FSIP1: variants seen among roughly 807,000 people sequenced by gnomAD.
FSIP1 encodes fibrous sheath-interacting protein 1.
A neutral mutation model predicts 60.9 loss-of-function variants in FSIP1; 65 were observed. That is an observed-to-expected ratio of 1.07 (90% CI 0.87 to 1.31). The LOEUF (loss-of-function observed/expected upper bound fraction) is 1.31. Ranked by LOEUF, FSIP1 falls within the 40% of genes most tolerant of loss-of-function variation. The pLI is 0.00. For synonymous variants in FSIP1, 209 were observed against 221.2 expected, an observed-to-expected ratio of 0.94 and a Z score of 0.49; for missense variants, 675 against 665.5, an observed-to-expected ratio of 1.01 and a Z score of -0.16.
chr15:39,780,483 C>A (rs565196885), intron 1 of FSIP1, among the ~76,000 whole-genome samples: 9 of 152,304 alleles, frequency 5.9e-5, no homozygotes, highest in African/African-American at 2.2e-4. Context: ...CGAGATTGCA[C>A]CACTCCGGCC....
At chr15:39,774,474 CAA>C (rs201038941) in intron 2 of FSIP1, among the ~76,000 whole-genome samples, 44 of 116,236 alleles carry the variant, frequency 3.8e-4, no homozygotes, top group Admixed American at 1.1e-3. Context: ...GAGCAAGACT[CAA>C]AAAAAAAAAA....
intron 10 of FSIP1, among the ~76,000 whole-genome samples, chr15:39,660,967 G>A (rs1207625032): frequency 1.3e-5 from 2 of 152,182 alleles, no homozygotes; most frequent in African/African-American, 4.8e-5. Context: ...GGAGGCCGAG[G>A]CAGAAGAATC....
intron 10 of FSIP1, among the ~76,000 whole-genome samples, chr15:39,691,260 A>G (rs1218747447): frequency 6.6e-6 from 1 of 152,228 alleles, no homozygotes; most frequent in Non-Finnish European, 1.5e-5. Flanking sequence ...AAAAGAAAAG[A>G]AAAAAAGAAG....
intron 10 of FSIP1, among the ~76,000 whole-genome samples, chr15:39,683,502 A>C (rs1434353661): frequency 6.6e-6 from 1 of 152,186 alleles, no homozygotes; most frequent in Non-Finnish European, 1.5e-5. Context: ...TTTCCCCCTA[A>C]GACCAGAAAC....
chr15:39,729,419 T>A (rs978402812), intron 8 of FSIP1, among the ~76,000 whole-genome samples: 10 of 151,980 alleles, frequency 6.6e-5, no homozygotes, highest in Admixed American at 3.9e-4. Flanking sequence ...AAAAAAATTT[T>A]AAAAATTAGC....
intron 10 of FSIP1, among the ~76,000 whole-genome samples, chr15:39,705,525 C>T (rs1895226217): frequency 6.6e-6 from 1 of 151,736 alleles, no homozygotes; most frequent in Non-Finnish European, 1.5e-5. Flanking sequence ...GGAATAAAGG[C>T]AATTTAATAG....
chr15:39,664,530 G>A (rs1237953691), intron 10 of FSIP1, among the ~76,000 whole-genome samples: 3 of 152,052 alleles, frequency 2.0e-5, no homozygotes, highest in South Asian at 4.1e-4. Flanking sequence ...ACATAAGCAA[G>A]CGAATGTATT....
At chr15:39,638,852 G>T (rs1463353922) in intron 10 of FSIP1, among the ~76,000 whole-genome samples, 1 of 152,206 alleles carries the variant, frequency 6.6e-6, no homozygotes, top group Non-Finnish European at 1.5e-5. Flanking sequence ...ATGTGTGTGT[G>T]TGGTGGGGGG....
At chr15:39,692,934 C>T (rs991547073) in intron 10 of FSIP1, among the ~76,000 whole-genome samples, 1 of 152,186 alleles carries the variant, frequency 6.6e-6, no homozygotes, top group Non-Finnish European at 1.5e-5. Flanking sequence ...GCCCTGGAAA[C>T]CTGGGTACAA....
intron 1 of FSIP1, among the ~76,000 whole-genome samples, chr15:39,778,958 G>A (rs879327219): frequency 2.6e-5 from 4 of 152,032 alleles, no homozygotes; most frequent in African/African-American, 7.2e-5. Flanking sequence ...CTTAGTAAGC[G>A]TGATACTAAG....
chr15:39,676,009 CAA>C (rs10706666), intron 10 of FSIP1, among the ~76,000 whole-genome samples: 84,205 of 145,580 alleles, frequency 0.58, 25,610 homozygotes, highest in Non-Finnish European at 0.7. Context: ...ACTAAAAATA[CAA>C]AAAAAAAAAA....
At chr15:39,668,738 C>T (rs551831157) in intron 10 of FSIP1, among the ~76,000 whole-genome samples, 1 of 152,290 alleles carries the variant, frequency 6.6e-6, no homozygotes, top group African/African-American at 2.4e-5. Flanking sequence ...CCAGCCTTTC[C>T]TTGCTTGCTT....
At chr15:39,777,763 C>A (rs1458595331) in intron 1 of FSIP1, among the ~76,000 whole-genome samples, 2 of 152,206 alleles carry the variant, frequency 1.3e-5, no homozygotes, top group East Asian at 3.8e-4. Flanking sequence ...TCCAACAAAT[C>A]CTTTCCTAAA....
intron 4 of FSIP1, among the ~76,000 whole-genome samples, chr15:39,764,845 A>G (rs1280699136): frequency 6.6e-6 from 1 of 152,234 alleles, no homozygotes; most frequent in African/African-American, 2.4e-5. Context: ...TACCCAAATA[A>G]TAAAGCTAAC....
chr15:39,730,196 G>A (rs907160089), intron 8 of FSIP1, among the ~76,000 whole-genome samples: 2 of 152,120 alleles, frequency 1.3e-5, no homozygotes, highest in Non-Finnish European at 2.9e-5. Context: ...AAGTAGGTTT[G>A]GAGAGAAAGA....
At chr15:39,663,756 T>TA (rs1278771263) in intron 10 of FSIP1, among the ~76,000 whole-genome samples, 3 of 152,060 alleles carry the variant, frequency 2.0e-5, no homozygotes, top group Non-Finnish European at 2.9e-5. Flanking sequence ...CAAGGGGAGA[T>TA]AAAAAAGGAA....
intron 10 of FSIP1, among the ~76,000 whole-genome samples, chr15:39,623,302 G>C (rs1440343446): frequency 6.6e-6 from 1 of 152,166 alleles, no homozygotes; most frequent in Non-Finnish European, 1.5e-5. Context: ...TAATCAGAAA[G>C]TCTACCCATT....
At position 39,741,876 on chromosome 15, in the gene FSIP1, G is replaced by T. The variant is rs764736214; in HGVS notation, c.584C>A (p.Thr195Asn). 2.5e-6 allele frequency: 4 copies of T among 1,600,240 alleles called. No homozygotes were observed. The highest frequency in any genetic ancestry group is 1.3e-5 in the African/African-American group (1 of 74,782). ...TTGAGTATGAAACACTGAGGAAAAG[G>T]TGTCTTCCTCCTCATGAGAAGGACC... The part of the protein sequence containing the change: ...TVGPSHEEED[T>N]FSSVFHTQIP... Residue 195 changes from threonine to asparagine, a missense_variant, in exon 6 of 12, where the codon ACC becomes AAC. Thr to Asn is a moderately conservative substitution (Grantham distance 65). Coordinates refer to ENST00000350221, the MANE Select transcript of FSIP1 (RefSeq NM_152597.5).
chr15:39,683,845 C>T (rs1197629933), intron 10 of FSIP1, among the ~76,000 whole-genome samples: 2 of 152,160 alleles, frequency 1.3e-5, no homozygotes, highest in Admixed American at 1.3e-4. Context: ...ATACCACTTA[C>T]AGTGTTACAA....
Sources: allele counts gnomAD v4.1 joint callset (sites outside exome capture counted in the v4.1 genomes callset), GRCh38; gene constraint gnomAD v4.1.1; transcripts MANE v1.5; gene names NCBI Gene and HGNC (gene_info 2026-07-23, HGNC 2026-07-21).